Variants in HNF1B observed in about 807,000 individuals in gnomAD.
HNF1B encodes the protein HNF1 homeobox B.
A neutral mutation model predicts 61.7 loss-of-function variants in HNF1B; 8 were observed. The observed-to-expected ratio is 0.13, with a 90% CI of 0.08 to 0.23. The LOEUF (loss-of-function observed/expected upper bound fraction) is 0.23, where lower values mean the gene tolerates loss of function less well. Ranked by LOEUF, HNF1B falls within the 10% of genes least tolerant of loss-of-function variation. The pLI is 1.00. For synonymous variants in HNF1B, 314 were observed against 287.7 expected (o/e 1.09, Z -0.93); for missense variants, 562 against 714.5 (o/e 0.79, Z 2.43).
chr17:37,741,101 G>T (rs2033979240), intron 1 of HNF1B, among the ~76,000 whole-genome samples: 1 of 152,112 alleles, frequency 6.6e-6, no homozygotes, highest in African/African-American at 2.4e-5. Flanking sequence ...AAAAAAAACG[G>T]AAGGGAAAAC....
intron 8 of HNF1B, among the ~76,000 whole-genome samples, chr17:37,697,628 G>A (rs1480859162): frequency 1.3e-5 from 2 of 152,178 alleles, no homozygotes; most frequent in African/African-American, 4.8e-5. Context: ...TCCCAAGGAG[G>A]GCCGCTGCGC....
intron 4 of HNF1B, among the ~76,000 whole-genome samples, chr17:37,715,080 C>T (rs1419458731): frequency 3.9e-5 from 6 of 152,252 alleles, no homozygotes; most frequent in Non-Finnish European, 4.4e-5. Context: ...GAAAGCATCT[C>T]GTGTCACATG....
chr17:37,740,531 A>C (rs1047366520), intron 1 of HNF1B, among the ~76,000 whole-genome samples: 10 of 152,220 alleles, frequency 6.6e-5, no homozygotes, highest in Non-Finnish European at 1.3e-4. Flanking sequence ...AGGATGTCTT[A>C]GCCAAATAGT....
chr17:37,688,610 A>G (rs558521073), intron 8 of HNF1B, among the ~76,000 whole-genome samples: 48 of 152,186 alleles, frequency 3.2e-4, no homozygotes, highest in Non-Finnish European at 6.3e-4. Flanking sequence ...CTAGCTGTCT[A>G]GGTGGCCACT....
intron 8 of HNF1B, among the ~76,000 whole-genome samples, chr17:37,696,526 C>G (rs2032390974): frequency 6.6e-6 from 1 of 152,184 alleles, no homozygotes; most frequent in African/African-American, 2.4e-5. Context: ...CGTGATGCAC[C>G]TGCCCTGTCT....
At position 37,687,275 on chromosome 17, in the gene HNF1B, T is replaced by C. The variant is rs777002372; in HGVS notation, c.*97A>G. The C allele has an allele frequency of 5.0e-6, 8 of 1,607,260 alleles. No individual in the cohort carries two copies. The highest frequency in any genetic ancestry group is 6.8e-6 in the Non-Finnish European group (8 of 1,174,460). ...AGCAGGGACCTCTCGCAGGTGCTGG[T>C]CAGGTCACTGGGCTTTTCCATGACA... On this transcript the variant is annotated 3_prime_UTR_variant, in exon 9 of 9. Transcript: ENST00000617811.
chr17:37,708,207 C>T (rs954426336), intron 5 of HNF1B, among the ~76,000 whole-genome samples: 1 of 152,130 alleles, frequency 6.6e-6, no homozygotes, highest in Non-Finnish European at 1.5e-5. Flanking sequence ...GACCAAGATC[C>T]GTGATGGACA....
At chr17:37,689,930 C>G (rs75852264) in intron 8 of HNF1B, among the ~76,000 whole-genome samples, 2,476 of 152,110 alleles carry the variant, frequency 0.016, 58 homozygotes, top group African/African-American at 0.056. Context: ...CTGTAAACAA[C>G]ACCCTGCCCA....
At position 37,745,058 on chromosome 17, in the gene HNF1B, C is replaced by A; in HGVS notation, c.-174G>T. Reference sequence around the variant, plus strand: ...TCCTCCGAAAGGAGTCAGAAAACTTCTAACTTGCCATGATCGCCACCATTA... The same window carrying A: ...TCCTCCGAAAGGAGTCAGAAAACTTATAACTTGCCATGATCGCCACCATTA... On this transcript the variant is annotated 5_prime_UTR_variant, in exon 1 of 9. Coordinates refer to ENST00000617811, the MANE Select transcript of HNF1B (RefSeq NM_000458.4). 2 of 619,550 alleles carry A rather than the reference C, an allele frequency of 3.2e-6. No individual in the cohort carries two copies. Among genetic ancestry groups the A allele is most frequent in the East Asian group, 5.5e-5 (2 of 36,528 alleles). 38.4% of individuals were successfully genotyped at this position (619,550 alleles called of 1,614,324 possible). A position where few individuals can be genotyped will look rare whatever the true frequency, so the allele number is the denominator to read the frequency against.
intron 8 of HNF1B, 145 bp from the exon 9 acceptor site, chr17:37,687,537 G>T: frequency 1.4e-6 from 1 of 722,922 alleles, no homozygotes; most frequent in East Asian, 2.6e-5. Flanking sequence ...TGTCTGCTCA[G>T]TTCTGCAGTT....
At chr17:37,742,111 G>C (rs1013804001) in intron 1 of HNF1B, among the ~76,000 whole-genome samples, 2 of 152,246 alleles carry the variant, frequency 1.3e-5, no homozygotes, top group Non-Finnish European at 2.9e-5. Flanking sequence ...TCAAACGCCG[G>C]CCGCGGCGCC....
At chr17:37,731,447 C>A (rs1192227709) in intron 4 of HNF1B, 148 bp downstream of exon 4, 7 of 740,440 alleles carry the variant, frequency 9.5e-6, no homozygotes, top group Non-Finnish European at 1.7e-5. Flanking sequence ...ACATTATTTC[C>A]AGGGGAGTAT....
At chr17:37,718,578 A>G (rs1358196922) in intron 4 of HNF1B, among the ~76,000 whole-genome samples, 1 of 152,164 alleles carries the variant, frequency 6.6e-6, no homozygotes, top group East Asian at 1.9e-4. Context: ...TGGTATTCCA[A>G]AGCTGACCCT....
chr17:37,722,910 G>T (rs964578816), intron 4 of HNF1B, among the ~76,000 whole-genome samples: 5 of 152,030 alleles, frequency 3.3e-5, no homozygotes, highest in African/African-American at 1.2e-4. Context: ...TCCTTCGCCT[G>T]ACGTTTGGGG....
At position 37,704,900 on chromosome 17, in the gene HNF1B, C is replaced by T. The variant is rs374854968; in HGVS notation, c.1339+17G>A. The T allele has an allele frequency of 4.6e-5, 75 of 1,613,906 alleles. No individual in the cohort carries two copies. The Middle Eastern group carries it at 4.9e-4, about 11-fold the overall frequency. ...TTCTCCCTGCCCCCAAGTTTTCCAA[C>T]CAAGAATAGAACTTACTTTGTGCAA... On this transcript the variant is annotated intron_variant, in intron 6 of 8. Coordinates refer to ENST00000617811, the MANE Select transcript of HNF1B (RefSeq NM_000458.4).
At chr17:37,742,175 GCA>G (rs1391282028) in intron 1 of HNF1B, among the ~76,000 whole-genome samples, 1 of 152,248 alleles carries the variant, frequency 6.6e-6, no homozygotes, top group African/African-American at 2.4e-5. Flanking sequence ...CTGCCCACGA[GCA>G]GAGAAGCCTG....
Position 37,699,238 on chromosome 17 carries a change from C to G in HNF1B, c.1535-44G>C, listed in dbSNP as rs10083829. ...GACAGAATCAAGGTGCATACACAGGCAAAGACACAGGTACAGAGCCCCCAT... is the reference window on the plus strand; with the variant it reads ...GACAGAATCAAGGTGCATACACAGGGAAAGACACAGGTACAGAGCCCCCAT... On this transcript the variant is annotated intron_variant, in intron 7 of 8. Transcript: ENST00000617811. The G allele has an allele frequency of 1.0e-3, 1,537 of 1,467,934 alleles. 11 individuals are homozygous for G. The African/African-American group carries it at 0.018, about 17-fold the overall frequency. 90.9% of individuals were successfully genotyped at this position (1,467,934 alleles called of 1,614,324 possible). A position where few individuals can be genotyped will look rare whatever the true frequency, so the allele number is the denominator to read the frequency against.
chr17:37,739,328 T>C, intron 2 of HNF1B, 112 bp downstream of exon 2: 1 of 986,648 alleles, frequency 1.0e-6, no homozygotes, highest in Non-Finnish European at 1.6e-6. Context: ...CTTCCTCATA[T>C]CTGCCAAGTG....
Position 37,731,843 on chromosome 17 carries a change from G to A in HNF1B, c.810-13C>T. ...CAAACATTCTGCCCTGGGAATGGAT[G>A]GAGGGGAGATGGTGAGTGAGGGGGG... On this transcript the variant is annotated splice_polypyrimidine_tract_variant and intron_variant, in intron 3 of 8. Transcript: ENST00000617811. The A allele has an allele frequency of 6.3e-7, 1 of 1,592,216 alleles. No homozygotes were observed. The highest frequency in any genetic ancestry group is 8.6e-7 in the Non-Finnish European group (1 of 1,161,680).
Sources: allele counts gnomAD v4.1 joint callset (sites outside exome capture counted in the v4.1 genomes callset), GRCh38; gene constraint gnomAD v4.1.1; transcripts MANE v1.5; gene names NCBI Gene and HGNC (gene_info 2026-07-23, HGNC 2026-07-21).